ITPRID1: variants seen among roughly 807,000 people sequenced by gnomAD.
ITPRID1 encodes ITPR interacting domain containing 1.
In ITPRID1, 96 loss-of-function variants were observed where a neutral mutation model predicts 95.4. The ratio of observed to expected loss-of-function variants is 1.01; its 90% CI spans 0.85 to 1.19. The LOEUF is 1.19. Ranked by LOEUF, ITPRID1 falls within the 50% of genes most tolerant of loss-of-function variation. The pLI, the probability that ITPRID1 is intolerant of heterozygous loss-of-function variation, is 0.00. For synonymous variants in ITPRID1, 510 were observed against 453.6 expected, an observed-to-expected ratio of 1.12 and a Z score of -1.58; for missense variants, 1,339 against 1,252.9, an observed-to-expected ratio of 1.07 and a Z score of -1.04.
At chr7:31,514,245 T>C (rs537232393) in intron 1 of ITPRID1, 125 bp downstream of exon 1, 1 of 152,276 alleles carries the variant, frequency 6.6e-6, no homozygotes, top group South Asian at 2.1e-4. Context: ...GTGTGTGCTC[T>C]AGGAACCTAA....
intron 10 of ITPRID1, among the ~76,000 whole-genome samples, chr7:31,613,888 A>G (rs1786994989): frequency 1.3e-5 from 2 of 152,194 alleles, no homozygotes; most frequent in African/African-American, 4.8e-5. Context: ...TGAGAGCTTG[A>G]ATATTTGCTA....
intron 10 of ITPRID1, among the ~76,000 whole-genome samples, chr7:31,585,162 C>T (rs546528792): frequency 6.6e-6 from 1 of 152,268 alleles, no homozygotes; most frequent in East Asian, 1.9e-4. Flanking sequence ...CAAGAGAAAC[C>T]ACACCGAGCT....
chr7:31,559,806 T>G (rs907415030), intron 5 of ITPRID1, among the ~76,000 whole-genome samples: 3 of 152,192 alleles, frequency 2.0e-5, no homozygotes, highest in Admixed American at 6.5e-5. Context: ...TATCTCCCCT[T>G]GAGCCTTAGA....
Position 31,656,210 on chromosome 7 carries a change from A to T in ITPRID1, c.*3381A>T. On this transcript the variant is annotated 3_prime_UTR_variant, in exon 15 of 15. Transcript: ENST00000615280. ...AGGTCATATCTTCTCTAGTAAACTT[A>T]AAGCTATTTGAGGACTGTGTAGTAC... is the stretch of plus-strand genomic sequence containing the variant. 4.8e-6 allele frequency: 1 copy of T among 210,214 alleles called. No homozygotes were observed. The highest frequency in any genetic ancestry group is 8.3e-6 in the Non-Finnish European group (1 of 121,066). The allele number at this position is 210,214 out of a possible 1,614,324, so 13.0% of individuals were successfully genotyped here.
intron 1 of ITPRID1, among the ~76,000 whole-genome samples, chr7:31,541,574 A>G (rs1783933963): frequency 1.3e-5 from 2 of 152,168 alleles, no homozygotes; most frequent in Admixed American, 6.6e-5. Context: ...ACACTAAGAT[A>G]TATCAGAATT....
intron 10 of ITPRID1, among the ~76,000 whole-genome samples, chr7:31,625,959 G>A (rs1788429906): frequency 6.6e-6 from 1 of 151,976 alleles, no homozygotes; most frequent in African/African-American, 2.4e-5. Context: ...CAGATAATTT[G>A]GTGATAATAA....
rs527876010 is a variant in ITPRID1 at position 31,517,966 on chromosome 7, A to C, written c.-98+3846A>C. The C allele has an allele frequency of 2.6e-5, 4 of 152,444 alleles. No homozygotes were observed. The South Asian group carries it at 6.2e-4, about 24-fold the overall frequency. The allele number at this position is 152,444 out of a possible 1,614,324, so 9.4% of individuals were successfully genotyped here. ...AGTGCCTCCCCACAACAAAGATGTC[A>C]ACATGTTACTGTGTGTGTTAAAAGG... On this transcript the variant is annotated intron_variant, in intron 1 of 14. Transcript: ENST00000615280.
chr7:31,545,458 A>G (rs773794090), intron 1 of ITPRID1, among the ~76,000 whole-genome samples: 4 of 152,104 alleles, frequency 2.6e-5, no homozygotes, highest in Non-Finnish European at 5.9e-5. Flanking sequence ...GGAAAAAAAA[A>G]TCTCTTTAAA....
At chr7:31,517,962 T>C (rs909226087) in intron 1 of ITPRID1, 10 of 152,278 alleles carry the variant, frequency 6.6e-5, no homozygotes, top group African/African-American at 2.4e-4. Flanking sequence ...ACAACAAAGA[T>C]GTCAACATGT....
intron 10 of ITPRID1, among the ~76,000 whole-genome samples, chr7:31,614,625 A>G (rs1486785851): frequency 6.6e-6 from 1 of 152,164 alleles, no homozygotes; most frequent in East Asian, 1.9e-4. Context: ...AGTAAACATT[A>G]TGGAATTAAT....
chr7:31,624,177 G>A (rs1334209684), intron 10 of ITPRID1, among the ~76,000 whole-genome samples: 5 of 149,744 alleles, frequency 3.3e-5, no homozygotes, highest in African/African-American at 4.9e-5. Flanking sequence ...AGTCAATATC[G>A]TGAAAATGGC....
intron 10 of ITPRID1, among the ~76,000 whole-genome samples, chr7:31,630,352 C>A (rs1185282597): frequency 6.6e-6 from 1 of 151,670 alleles, no homozygotes; most frequent in Non-Finnish European, 1.5e-5. Flanking sequence ...TTAATCCTCA[C>A]TTAAGTCTCT....
chr7:31,542,532 A>G (rs1211133371), intron 1 of ITPRID1, among the ~76,000 whole-genome samples: 2 of 152,188 alleles, frequency 1.3e-5, no homozygotes, highest in Non-Finnish European at 2.9e-5. Context: ...TTTAATATCA[A>G]AGAACTGTTA....
intron 1 of ITPRID1, among the ~76,000 whole-genome samples, chr7:31,522,333 T>A (rs1440227422): frequency 1.3e-5 from 2 of 152,206 alleles, no homozygotes; most frequent in East Asian, 1.9e-4. Flanking sequence ...CACCATCTTG[T>A]AGACTAAGAT....
At chr7:31,602,862 G>C (rs1162348701) in intron 10 of ITPRID1, among the ~76,000 whole-genome samples, 2 of 151,702 alleles carry the variant, frequency 1.3e-5, no homozygotes, top group East Asian at 1.9e-4. Context: ...TCACAAGCAG[G>C]GTACCCCCTG....
At chr7:31,590,656 A>G (rs9886356) in intron 10 of ITPRID1, among the ~76,000 whole-genome samples, 12,645 of 152,210 alleles carry the variant, frequency 0.083, 642 homozygotes, top group Middle Eastern at 0.13. Flanking sequence ...TCATTGGAGA[A>G]CACTGTTTCC....
chr7:31,654,403 C>A lies in ITPRID1; in HGVS notation c.*1574C>A, dbSNP rs983117061. On this transcript the variant is annotated 3_prime_UTR_variant, in exon 15 of 15. Coordinates refer to ENST00000615280, the MANE Select transcript of ITPRID1 (RefSeq NM_001257967.3). ...GTCAGACTATAGGCCATGACCAAGT[C>A]TTTGCATCTGAATCCTTTTTCCAAG... Among the ~76,000 whole-genome samples, 1 of 152,188 alleles carries A rather than the reference C, an allele frequency of 6.6e-6. No homozygotes were observed. Among genetic ancestry groups the A allele is most frequent in the Non-Finnish European group, 1.5e-5 (1 of 68,042 alleles).
At chr7:31,528,535 A>G (rs1783494333) in intron 1 of ITPRID1, among the ~76,000 whole-genome samples, 1 of 152,080 alleles carries the variant, frequency 6.6e-6, no homozygotes, top group African/African-American at 2.4e-5. Context: ...GCCTTGACAC[A>G]CTCCTGGGCT....
chr7:31,560,540 T>C (rs1784590098), intron 5 of ITPRID1, among the ~76,000 whole-genome samples: 1 of 152,184 alleles, frequency 6.6e-6, no homozygotes, highest in Admixed American at 6.5e-5. Context: ...ACAAGGCTAG[T>C]AGCAATTGTA....
Sources: allele counts gnomAD v4.1 joint callset (sites outside exome capture counted in the v4.1 genomes callset), GRCh38; gene constraint gnomAD v4.1.1; transcripts MANE v1.5; gene names NCBI Gene and HGNC (gene_info 2026-07-23, HGNC 2026-07-21).